The following TBCK variants were observed in gnomAD, a reference collection of about 807,000 sequenced individuals.
TBCK encodes the protein TBC domain-containing protein kinase-like protein.
Under a neutral mutation model 113.4 loss-of-function variants are expected in TBCK, and 99 were observed. The observed-to-expected ratio is 0.87, with a 90% CI of 0.74 to 1.03. TBCK has a LOEUF of 1.03. Ranked by LOEUF, TBCK falls within the 50% of genes least tolerant of loss-of-function variation. TBCK has a pLI of 0.00. For synonymous variants in TBCK, 369 were observed against 370.8 expected, an observed-to-expected ratio of 1.00 and a Z score of 0.05; for missense variants, 1,045 against 1,061.3, an observed-to-expected ratio of 0.98 and a Z score of 0.21.
Position 106,248,256 on chromosome 4 carries a change from A to G in TBCK, c.771T>C (p.His257=), listed in dbSNP as rs1761049824. The stretch of plus-strand genomic sequence containing the variant: ...TAAATAATATCAACCTCTTAGAAGG[A>G]TGGAAGGTAAGGCACTTATTCAAAA... The part of the protein sequence containing the change: ...IDLLNKCLTF[H]PSKRPTPDQL... Residue 257 remains histidine (H), a synonymous_variant, in exon 9 of 26, where the codon CAT becomes CAC. Transcript: ENST00000394708. The G allele has an allele frequency of 2.5e-6, 4 of 1,597,126 alleles. No homozygotes were observed. Among genetic ancestry groups the G allele is most frequent in the Admixed American group, 1.7e-5 (1 of 57,798 alleles).
chr4:106,103,619 G>A (rs10018910), intron 24 of TBCK, among the ~76,000 whole-genome samples: 43,917 of 152,042 alleles, frequency 0.29, 6,485 homozygotes, highest in South Asian at 0.43. Context: ...AGTATATACA[G>A]CATAGGACTA....
chr4:106,093,743 C>T (rs902312757), intron 25 of TBCK, among the ~76,000 whole-genome samples: 5 of 152,038 alleles, frequency 3.3e-5, no homozygotes, highest in Admixed American at 2.0e-4. Flanking sequence ...CTTAGTACCT[C>T]GGTGATAAAA....
rs1758878749 is a variant in TBCK, at chr4:106,231,757, T to A, written c.1662A>T (p.Pro554=). Residue 554 remains proline (P), a synonymous_variant, in exon 18 of 26, where the codon CCA becomes CCT. Coordinates refer to ENST00000394708, the MANE Select transcript of TBCK (RefSeq NM_001163435.3). The stretch of plus-strand genomic sequence containing the variant: ...CATTATTGAAGTTTAGATATAGGAA[T>A]GGAGCACAAAGTGAGTCAAGACCTA... The part of the protein sequence containing the change: ...YWQGLDSLCA[P]FLYLNFNNEA... 1.2e-6 allele frequency: 2 copies of A among 1,609,908 alleles called. No homozygotes were observed. Among genetic ancestry groups the A allele is most frequent in the Non-Finnish European group, 1.7e-6 (2 of 1,177,958 alleles).
intron 18 of TBCK, among the ~76,000 whole-genome samples, chr4:106,231,208 T>C (rs1758820310): frequency 6.7e-6 from 1 of 149,256 alleles, no homozygotes; most frequent in Non-Finnish European, 1.5e-5. Flanking sequence ...AATAAAGTTA[T>C]TGCAGAAGGG....
intron 19 of TBCK, among the ~76,000 whole-genome samples, chr4:106,215,839 T>C (rs1756825237): frequency 6.6e-6 from 1 of 151,596 alleles, no homozygotes; most frequent in East Asian, 1.9e-4. Context: ...TACCCAGGAA[T>C]TGAACTCAGC....
At chr4:106,292,235 C>T (rs1765798272) in intron 3 of TBCK, among the ~76,000 whole-genome samples, 1 of 152,092 alleles carries the variant, frequency 6.6e-6, no homozygotes. Context: ...CTGAACTTAA[C>T]AACGTTTTGC....
At chr4:106,108,249 T>A (rs186112433) in intron 24 of TBCK, among the ~76,000 whole-genome samples, 26 of 152,066 alleles carry the variant, frequency 1.7e-4, no homozygotes, top group African/African-American at 6.3e-4. Flanking sequence ...TATACCTAAC[T>A]CATTCTATGA....
chr4:106,272,165 T>C (rs1763561743), intron 3 of TBCK, among the ~76,000 whole-genome samples: 1 of 152,214 alleles, frequency 6.6e-6, no homozygotes, highest in African/African-American at 2.4e-5. Context: ...CCCTGGGCTA[T>C]CTTTTTCTAA....
At chr4:106,255,578 G>A (rs1356166118) in intron 5 of TBCK, among the ~76,000 whole-genome samples, 2 of 152,200 alleles carry the variant, frequency 1.3e-5, no homozygotes, top group African/African-American at 4.8e-5. Flanking sequence ...CGGAAACTTG[G>A]AGATGCCAGG....
chr4:106,249,133 CAT>C (rs967964371), intron 7 of TBCK, 151 bp from the exon 8 acceptor site: 40 of 533,620 alleles, frequency 7.5e-5, no homozygotes, highest in African/African-American at 6.1e-4. Context: ...AATTTCTTTA[CAT>C]GTTTTGATAA....
At chr4:106,069,099 G>A (rs1437889697) in intron 25 of TBCK, among the ~76,000 whole-genome samples, 3 of 152,186 alleles carry the variant, frequency 2.0e-5, no homozygotes, top group Non-Finnish European at 4.4e-5. Context: ...TAGGTTGCCT[G>A]TTCACTCTGA....
intron 24 of TBCK, among the ~76,000 whole-genome samples, chr4:106,106,985 C>A (rs947060128): frequency 6.6e-6 from 1 of 151,546 alleles, no homozygotes; most frequent in African/African-American, 2.4e-5. Flanking sequence ...GCAGGGATTG[C>A]AATCCTAATT....
chr4:106,210,137 G>A (rs1755962507), intron 20 of TBCK, among the ~76,000 whole-genome samples: 1 of 151,994 alleles, frequency 6.6e-6, no homozygotes, highest in African/African-American at 2.4e-5. Context: ...AACAGCCTTG[G>A]AAAGCAGAAA....
At chr4:106,198,870 C>T (rs1232461926) in intron 20 of TBCK, among the ~76,000 whole-genome samples, 2 of 152,112 alleles carry the variant, frequency 1.3e-5, no homozygotes, top group African/African-American at 4.8e-5. Context: ...TACGACAATA[C>T]AAGTTCTGGT....
At chr4:106,117,840 T>C (rs1366675212) in intron 23 of TBCK, among the ~76,000 whole-genome samples, 1 of 151,974 alleles carries the variant, frequency 6.6e-6, no homozygotes, top group South Asian at 2.1e-4. Flanking sequence ...AAACCCTGTC[T>C]CTACTAAAAA....
Position 106,261,042 on chromosome 4 carries a change from T to C in TBCK, c.382-532A>G, listed in dbSNP as rs1762456703. The stretch of plus-strand genomic sequence containing the variant: ...TATATTGTTTGAGAACAAAAATAAC[T>C]ATCATAAGTATAAGGCTCTTAATAA... On this transcript the variant is annotated intron_variant, in intron 4 of 25. Coordinates refer to ENST00000394708, the MANE Select transcript of TBCK (RefSeq NM_001163435.3). 2.0e-5 allele frequency among the ~76,000 whole-genome samples: 3 copies of C among 152,076 alleles called. No homozygotes were observed. In the South Asian group the frequency reaches 6.2e-4, roughly 31 times the overall value.
chr4:106,236,543 A>C, intron 13 of TBCK, 24 bp from the exon 14 acceptor site: 6 of 322,846 alleles, frequency 1.9e-5, no homozygotes, highest in East Asian at 1.2e-4. Flanking sequence ...CAAAAGCAAT[A>C]AAAAAAAAAA....
intron 5 of TBCK, among the ~76,000 whole-genome samples, chr4:106,252,390 T>C (rs1028209714): frequency 1.8e-5 from 2 of 112,458 alleles, no homozygotes; most frequent in Admixed American, 8.3e-5. Context: ...TTATTTTTAG[T>C]AGTAAGAATG....
chr4:106,278,997 C>T (rs75814353), intron 3 of TBCK, among the ~76,000 whole-genome samples: 21,506 of 152,088 alleles, frequency 0.14, 1,715 homozygotes, highest in South Asian at 0.25. Flanking sequence ...TCTACCCTCA[C>T]ACTTTATTAT....
Sources: gnomAD v4.1 joint callset for allele counts (sites outside exome capture counted in the v4.1 genomes callset) on GRCh38, gnomAD v4.1.1 for gene constraint, MANE v1.5 for transcripts, NCBI Gene and HGNC (gene_info 2026-07-23, HGNC 2026-07-21) for gene names.